EVI5: variants seen among roughly 807,000 people sequenced by gnomAD.
EVI5 encodes the protein ecotropic viral integration site 5 protein homolog.
In EVI5, 73 loss-of-function variants were observed where a neutral mutation model predicts 112.0. That is an observed-to-expected ratio of 0.65 (90% CI 0.54 to 0.79). EVI5 has a LOEUF of 0.79. EVI5 is among the 30% of genes least tolerant of loss of function. The pLI is 0.00. For synonymous variants in EVI5, 305 were observed against 319.9 expected (o/e 0.95, Z 0.50); for missense variants, 900 against 968.8 (o/e 0.93, Z 0.94).
intron 1 of EVI5, among the ~76,000 whole-genome samples, chr1:92,761,923 T>G (rs1681936250): frequency 6.7e-6 from 1 of 148,568 alleles, no homozygotes; most frequent in Non-Finnish European, 1.5e-5. Flanking sequence ...TGCAATGTCT[T>G]GCATATTATA....
chr1:92,733,960 G>C (rs1676911550), intron 2 of EVI5, among the ~76,000 whole-genome samples: 1 of 152,122 alleles, frequency 6.6e-6, no homozygotes, highest in Admixed American at 6.6e-5. Flanking sequence ...TTTTGGCAGA[G>C]GAAGCAAGAG....
intron 18 of EVI5, among the ~76,000 whole-genome samples, chr1:92,576,682 T>C (rs1435202549): frequency 6.6e-6 from 1 of 152,210 alleles, no homozygotes; most frequent in Non-Finnish European, 1.5e-5. Flanking sequence ...AATTTACCTG[T>C]AGTTTAAGAC....
chr1:92,743,914 C>T (rs145339193), intron 1 of EVI5, among the ~76,000 whole-genome samples: 11 of 152,134 alleles, frequency 7.2e-5, no homozygotes, highest in African/African-American at 2.6e-4. Flanking sequence ...TATTGCTCTT[C>T]TATCTAGTTC....
At chr1:92,515,824 C>A (rs1479717685) in intron 19 of EVI5, among the ~76,000 whole-genome samples, 1 of 152,162 alleles carries the variant, frequency 6.6e-6, no homozygotes, top group Admixed American at 6.5e-5. Context: ...GAAACCTCAG[C>A]ACTTCCCTGC....
In EVI5 at chr1:92,756,794, G is replaced by T. The variant is rs1681023485; in HGVS notation, c.-81-20167C>A. Reference sequence around the variant, plus strand: ...TACAAGCTACAGATGTGTCCTCCTGGCTTCCAAACTAGTGTTCAGGGCCTT... The same window carrying T: ...TACAAGCTACAGATGTGTCCTCCTGTCTTCCAAACTAGTGTTCAGGGCCTT... On this transcript the variant is annotated intron_variant, in intron 1 of 19. Coordinates refer to ENST00000684568, the MANE Select transcript of EVI5 (RefSeq NM_001350197.2). 9 of 516,074 alleles carry T rather than the reference G, an allele frequency of 1.7e-5. 1 individual carries two copies. The highest frequency in any genetic ancestry group is 1.3e-4 in the South Asian group (9 of 69,144). 32.0% of individuals were successfully genotyped at this position (516,074 alleles called of 1,614,324 possible). A position where few individuals can be genotyped will look rare whatever the true frequency, so the allele number is the denominator to read the frequency against.
intron 6 of EVI5, among the ~76,000 whole-genome samples, chr1:92,696,863 C>T (rs994957731): frequency 9.2e-5 from 14 of 151,892 alleles, no homozygotes; most frequent in African/African-American, 3.4e-4. Flanking sequence ...ATGGTGAAAC[C>T]CCATCTCTAC....
chr1:92,701,432 G>A (rs1671132074), intron 5 of EVI5, among the ~76,000 whole-genome samples: 1 of 152,186 alleles, frequency 6.6e-6, no homozygotes, highest in South Asian at 2.1e-4. Context: ...TACAGCATGT[G>A]CAGAACTGAG....
chr1:92,509,439 A>C lies in EVI5; in HGVS notation c.*4217T>G, dbSNP rs978814698. The C allele has an allele frequency of 6.5e-6, 1 of 153,092 alleles. No homozygotes were observed. Among genetic ancestry groups the C allele is most frequent in the Non-Finnish European group, 1.5e-5 (1 of 68,434 alleles). The allele number at this position is 153,092 out of a possible 1,614,324, so 9.5% of individuals were successfully genotyped here. On this transcript the variant is annotated 3_prime_UTR_variant, in exon 20 of 20. Coordinates refer to ENST00000684568, the MANE Select transcript of EVI5 (RefSeq NM_001350197.2). ...AAACAAACAAACAAACAAACAAAAAAGACGGTGGGGGCAGAAATTGTGTAA... is the reference window on the plus strand; with the variant it reads ...AAACAAACAAACAAACAAACAAAAACGACGGTGGGGGCAGAAATTGTGTAA...
chr1:92,609,686 G>A (rs1202540759), intron 16 of EVI5, among the ~76,000 whole-genome samples: 1 of 151,882 alleles, frequency 6.6e-6, no homozygotes, highest in African/African-American at 2.4e-5. Flanking sequence ...TAAATGTTCA[G>A]TTGTTGCCAT....
At chr1:92,629,154 A>T (rs1656331925) in intron 14 of EVI5, among the ~76,000 whole-genome samples, 1 of 152,224 alleles carries the variant, frequency 6.6e-6, no homozygotes, top group Non-Finnish European at 1.5e-5. Flanking sequence ...TCTGTTAGCC[A>T]TTTCTTTCAG....
chr1:92,573,589 T>C (rs2101012225), intron 18 of EVI5, among the ~76,000 whole-genome samples: 1 of 151,938 alleles, frequency 6.6e-6, no homozygotes, highest in Admixed American at 6.5e-5. Flanking sequence ...ATTTCCAGAG[T>C]GAATATATCT....
rs147647790 is a variant in EVI5 at position 92,768,437 on chromosome 1, C to T, written c.-82+16399G>A. Among the ~76,000 whole-genome samples, 60 of 152,334 alleles carry T rather than the reference C, an allele frequency of 3.9e-4. No individual in the cohort carries two copies. In the South Asian group the frequency reaches 9.3e-3, roughly 24 times the overall value. On this transcript the variant is annotated intron_variant, in intron 1 of 19. Transcript: ENST00000684568. Reference sequence around the variant, plus strand: ...TCCACACCTTTCTAGTTCTCACCTGCCATAGGCAAGTAGGTATTCTGTCTA... The same window carrying T: ...TCCACACCTTTCTAGTTCTCACCTGTCATAGGCAAGTAGGTATTCTGTCTA...
chr1:92,697,543 G>A (rs1456082182), intron 6 of EVI5, among the ~76,000 whole-genome samples: 2 of 152,200 alleles, frequency 1.3e-5, no homozygotes, highest in African/African-American at 4.8e-5. Flanking sequence ...TAAAGCTCCT[G>A]TAAGAGAGCT....
At chr1:92,660,829 G>T (rs75534706) in intron 13 of EVI5, among the ~76,000 whole-genome samples, 3,728 of 151,982 alleles carry the variant, frequency 0.025, 172 homozygotes, top group African/African-American at 0.085. Flanking sequence ...ACCATAAAGG[G>T]AATGATAGAA....
chr1:92,572,225 G>T (rs943317227), intron 18 of EVI5, among the ~76,000 whole-genome samples: 1 of 152,022 alleles, frequency 6.6e-6, no homozygotes, highest in African/African-American at 2.4e-5. Flanking sequence ...GTGTTTAGGG[G>T]TAAAGTATAA....
At chr1:92,757,255 T>C (rs1200004558) in intron 1 of EVI5, among the ~76,000 whole-genome samples, 6 of 152,122 alleles carry the variant, frequency 3.9e-5, no homozygotes, top group Non-Finnish European at 2.9e-5. Context: ...CAACAGAAAA[T>C]TTGGACAGAC....
At chr1:92,722,892 C>T (rs1674984823) in intron 2 of EVI5, among the ~76,000 whole-genome samples, 1 of 152,064 alleles carries the variant, frequency 6.6e-6, no homozygotes, top group Non-Finnish European at 1.5e-5. Flanking sequence ...TGTGGCACAC[C>T]CAGCTTTCTA....
intron 2 of EVI5, among the ~76,000 whole-genome samples, chr1:92,709,174 T>TG (rs1259691325): frequency 6.6e-6 from 1 of 151,938 alleles, no homozygotes; most frequent in East Asian, 1.9e-4. Flanking sequence ...TGACAGAGGG[T>TG]GGGGTTGCTA....
intron 1 of EVI5, among the ~76,000 whole-genome samples, chr1:92,791,848 G>A (rs1430684676): frequency 6.6e-6 from 1 of 151,924 alleles, no homozygotes; most frequent in South Asian, 2.1e-4. Context: ...TCCCAAACAC[G>A]ACGGGAGGCA....
Sources: allele counts gnomAD v4.1 joint callset (sites outside exome capture counted in the v4.1 genomes callset), GRCh38; gene constraint gnomAD v4.1.1; transcripts MANE v1.5; gene names NCBI Gene and HGNC (gene_info 2026-07-23, HGNC 2026-07-21).